GMNC: variants seen among roughly 807,000 people sequenced by gnomAD.
GMNC encodes the protein geminin coiled-coil domain containing.
A neutral mutation model predicts 33.6 loss-of-function variants in GMNC; 16 were observed. The observed-to-expected ratio is 0.48, with a 90% CI of 0.32 to 0.72. GMNC has a LOEUF of 0.72. Among genes scored for constraint, GMNC ranks in the 30% least tolerant of loss-of-function variants. GMNC has a pLI of 0.03. For missense variants in GMNC, 393 were observed against 388.9 expected (o/e 1.01, Z -0.09); for synonymous variants, 156 against 147.3 (o/e 1.06, Z -0.43).
chr3:190,856,033 GTT>G (rs1464857686), intron 4 of GMNC, 118 bp from the exon 5 acceptor site: 1 of 723,296 alleles, frequency 1.4e-6, no homozygotes, highest in East Asian at 2.8e-5. Flanking sequence ...GGATTAGCTT[GTT>G]TGTAAAGTAA....
the GMNC span, among the ~76,000 whole-genome samples, chr3:190,845,033 C>G: frequency 6.6e-6 from 1 of 151,896 alleles, no homozygotes; most frequent in Non-Finnish European, 1.5e-5. Context: ...ACAAAGTAAA[C>G]CACTCAACTC....
Position 190,853,454 on chromosome 3 carries a change from GTAATATTAAT to G in GMNC, c.*1831_*1840del, listed in dbSNP as rs1239075975. 2.0e-5 allele frequency: 3 copies of G among 151,996 alleles called. No homozygotes were observed. Among genetic ancestry groups the G allele is most frequent in the African/African-American group, 7.2e-5 (3 of 41,380 alleles). 9.4% of individuals were successfully genotyped at this position (151,996 alleles called of 1,614,324 possible). ...TCTACTTCTTAAAGTACTCCAGAGA[GTAATATTAAT>G]TACTATATTGGATTTTCTTCATAAA... is the stretch of plus-strand genomic sequence containing the variant. On this transcript the variant is annotated 3_prime_UTR_variant, in exon 5 of 5. Transcript: ENST00000442080.
downstream of GMNC, among the ~76,000 whole-genome samples, chr3:190,848,381 T>C (rs1430063641): frequency 6.6e-6 from 1 of 152,226 alleles, no homozygotes; most frequent in East Asian, 1.9e-4. Flanking sequence ...TACCTCTATG[T>C]CTACTTGTTG....
intron 3 of GMNC, 70 bp from the exon 4 acceptor site, chr3:190,857,969 G>T: frequency 1.2e-6 from 1 of 818,844 alleles, no homozygotes; most frequent in South Asian, 1.5e-5. Flanking sequence ...TAATGCCACT[G>T]CTCCTTAACT....
At chr3:190,856,148 C>A (rs1441122134) in intron 4 of GMNC, among the ~76,000 whole-genome samples, 1 of 150,302 alleles carries the variant, frequency 6.7e-6, no homozygotes, top group Non-Finnish European at 1.5e-5. Flanking sequence ...GATTTCAGCA[C>A]CGGCAAGTTA....
chr3:190,847,165 T>C, the GMNC span, among the ~76,000 whole-genome samples: 1 of 152,230 alleles, frequency 6.6e-6, no homozygotes, highest in Non-Finnish European at 1.5e-5. Flanking sequence ...ATAGAAGTGC[T>C]GTTTTTTCCT....
At position 190,862,342 on chromosome 3, in the gene GMNC, A is replaced by G. The variant is rs143179650; in HGVS notation, c.3+271T>C. Among the ~76,000 whole-genome samples, 1,401 of 145,806 alleles carry G rather than the reference A, an allele frequency of 9.6e-3. 24 individuals are homozygous for G. Among genetic ancestry groups the G allele is most frequent in the African/African-American group, 0.033 (1,306 of 39,484 alleles). On this transcript the variant is annotated intron_variant, in intron 1 of 4. Coordinates refer to ENST00000442080, the MANE Select transcript of GMNC (RefSeq NM_001146686.3). The surrounding 1 kb of genome is among the most constrained non-coding windows in gnomAD (Gnocchi z 4.5). The stretch of plus-strand genomic sequence containing the variant: ...GGAGGGGGAAGTTGGGGAGAAAGTA[A>G]GGAAAGTAGTAATAACAGAAAGAGA...
At chr3:190,849,549 A>C (rs141776596), downstream of GMNC, among the ~76,000 whole-genome samples, 386 of 152,332 alleles carry the variant, frequency 2.5e-3, 5 homozygotes, top group African/African-American at 8.9e-3. Context: ...ACCCTGAGGG[A>C]ATCTTTATAA....
chr3:190,846,466 G>A, the GMNC span, among the ~76,000 whole-genome samples: 2 of 152,122 alleles, frequency 1.3e-5, no homozygotes, highest in East Asian at 3.9e-4. Context: ...ACATATGTGT[G>A]TATATAAAAT....
intron 4 of GMNC, among the ~76,000 whole-genome samples, chr3:190,857,441 A>G (rs6779376): frequency 0.058 from 8,891 of 152,202 alleles, 297 homozygotes; most frequent in East Asian, 0.16. Context: ...GATCATTAAA[A>G]GAACTGAGTG....
chr3:190,853,621 C>T lies in GMNC; in HGVS notation c.*1674G>A, dbSNP rs1175599330. On this transcript the variant is annotated 3_prime_UTR_variant, in exon 5 of 5. Transcript: ENST00000442080. ...CTGTTACAAAGAATCCTAACCAACA[C>T]AGTTGACCTACGAGATATTGATTGT... 3.3e-5 allele frequency: 5 copies of T among 151,996 alleles called. No homozygotes were observed. The highest frequency in any genetic ancestry group is 1.2e-4 in the African/African-American group (5 of 41,396). 9.4% of individuals were successfully genotyped at this position (151,996 alleles called of 1,614,324 possible).
Position 190,854,003 on chromosome 3 carries a change from G to A in GMNC, c.*1292C>T, listed in dbSNP as rs1476386670. 1 of 152,090 alleles carries A rather than the reference G, an allele frequency of 6.6e-6. No homozygotes were observed. Among genetic ancestry groups the A allele is most frequent in the African/African-American group, 2.4e-5 (1 of 41,418 alleles). The allele number at this position is 152,090 out of a possible 1,614,324, so 9.4% of individuals were successfully genotyped here. Reference sequence around the variant, plus strand: ...CTAGAAAAAGAGTACTGTGATCAGAGCAATGATTTCTAATGTTAACTTCAA... The same window carrying A: ...CTAGAAAAAGAGTACTGTGATCAGAACAATGATTTCTAATGTTAACTTCAA... On this transcript the variant is annotated 3_prime_UTR_variant, in exon 5 of 5. Coordinates refer to ENST00000442080, the MANE Select transcript of GMNC (RefSeq NM_001146686.3).
the GMNC span, among the ~76,000 whole-genome samples, chr3:190,847,208 C>CAAT: frequency 6.6e-6 from 1 of 152,120 alleles, no homozygotes; most frequent in African/African-American, 2.4e-5. Context: ...GGTTTGGTGA[C>CAAT]AATAACCTAG....
chr3:190,843,299 G>GA, the GMNC span, among the ~76,000 whole-genome samples: 1 of 151,644 alleles, frequency 6.6e-6, no homozygotes, highest in African/African-American at 2.4e-5. Flanking sequence ...TCATACAATG[G>GA]AAAAAAATGT....
chr3:190,856,813 G>T (rs1737756366), intron 4 of GMNC, among the ~76,000 whole-genome samples: 1 of 151,692 alleles, frequency 6.6e-6, no homozygotes, highest in Non-Finnish European at 1.5e-5. Flanking sequence ...AAATTATTAA[G>T]ACTGACAGAT....
intron 4 of GMNC, among the ~76,000 whole-genome samples, chr3:190,857,537 C>T (rs1737773418): frequency 6.6e-6 from 1 of 152,108 alleles, no homozygotes; most frequent in South Asian, 2.1e-4. Flanking sequence ...AACCCCCACC[C>T]TCGACTAGCA....
chr3:190,858,093 C>G (rs9811768), intron 3 of GMNC, 194 bp from the exon 4 acceptor site: 195,491 of 562,952 alleles, frequency 0.35, 37,322 homozygotes, highest in African/African-American at 0.62. Context: ...GCTTTGTGCT[C>G]TGAATGTTCA....
At chr3:190,850,598 G>C (rs1303814435), downstream of GMNC, among the ~76,000 whole-genome samples, 2 of 152,214 alleles carry the variant, frequency 1.3e-5, no homozygotes, top group Admixed American at 6.5e-5. Flanking sequence ...CTGCCTGCAG[G>C]ACTCTTTGCT....
At position 190,862,126 on chromosome 3, in the gene GMNC, C is replaced by G. The variant is rs1458491272; in HGVS notation, c.3+487G>C. On this transcript the variant is annotated intron_variant, in intron 1 of 4. Coordinates refer to ENST00000442080, the MANE Select transcript of GMNC (RefSeq NM_001146686.3). This position sits in a 1 kb window ranked among gnomAD's most constrained non-coding sequence, Gnocchi z 4.5. The stretch of plus-strand genomic sequence containing the variant: ...GTGCAATTTTCTTTTATTTTAAAAG[C>G]ATGTTTGCAGACTCTTTCCCTGAGG... Among the ~76,000 whole-genome samples the G allele has an allele frequency of 6.6e-6, 1 of 152,116 alleles. No individual in the cohort carries two copies. The highest frequency in any genetic ancestry group is 1.5e-5 in the Non-Finnish European group (1 of 68,006).
Sources: gnomAD v4.1 joint callset for allele counts (sites outside exome capture counted in the v4.1 genomes callset) on GRCh38, gnomAD v4.1.1 for gene constraint, Gnocchi (gnomAD v3.1) non-coding constraint, MANE v1.5 for transcripts, NCBI Gene and HGNC (gene_info 2026-07-23, HGNC 2026-07-21) for gene names.